ZBTB20: variants seen among roughly 807,000 people sequenced by gnomAD.
ZBTB20 encodes the protein zinc finger and BTB domain containing 20.
In ZBTB20, 9 loss-of-function variants were observed where a neutral mutation model predicts 56.9. That is an observed-to-expected ratio of 0.16 (90% CI 0.10 to 0.28). The LOEUF (loss-of-function observed/expected upper bound fraction) is 0.28. ZBTB20 is among the 10% of genes least tolerant of loss of function. The pLI is 1.00. For synonymous variants in ZBTB20, 417 were observed against 420.7 expected, an observed-to-expected ratio of 0.99 and a Z score of 0.11; for missense variants, 655 against 1,003.0, an observed-to-expected ratio of 0.65 and a Z score of 4.69.
At chr3:114,893,599 T>C (rs1285458123) in intron 4 of ZBTB20, among the ~76,000 whole-genome samples, 3 of 152,124 alleles carry the variant, frequency 2.0e-5, no homozygotes, top group African/African-American at 7.2e-5. Context: ...CTGGCTTTCA[T>C]GTAAGCAGAA....
intron 7 of ZBTB20, among the ~76,000 whole-genome samples, chr3:114,500,090 T>C (rs1341190397): frequency 6.6e-6 from 1 of 152,200 alleles, no homozygotes; most frequent in Non-Finnish European, 1.5e-5. Context: ...GCAGTGACTT[T>C]TGCAAACAGC....
intron 6 of ZBTB20, among the ~76,000 whole-genome samples, chr3:114,603,287 A>T (rs1462654759): frequency 6.6e-6 from 1 of 152,000 alleles, no homozygotes; most frequent in Non-Finnish European, 1.5e-5. Flanking sequence ...GAAAGAGATG[A>T]GATTTAGTGT....
intron 6 of ZBTB20, among the ~76,000 whole-genome samples, chr3:114,623,068 T>C (rs996687067): frequency 9.9e-5 from 15 of 152,170 alleles, no homozygotes; most frequent in Non-Finnish European, 2.1e-4. Context: ...GTTTTTTCCA[T>C]GCTTAATGAA....
chr3:114,697,333 A>T (rs1257220890), intron 5 of ZBTB20, among the ~76,000 whole-genome samples: 2 of 152,058 alleles, frequency 1.3e-5, no homozygotes, highest in African/African-American at 4.8e-5. Context: ...AAAACATCTC[A>T]AAATAAGTTG....
intron 4 of ZBTB20, among the ~76,000 whole-genome samples, chr3:114,820,199 G>C (rs2073159882): frequency 6.6e-6 from 1 of 151,836 alleles, no homozygotes; most frequent in Admixed American, 6.6e-5. Context: ...AGAAATAATA[G>C]TGGAAAATGA....
At chr3:114,378,699 C>T (rs552012049) in intron 10 of ZBTB20, among the ~76,000 whole-genome samples, 2 of 152,346 alleles carry the variant, frequency 1.3e-5, no homozygotes, top group South Asian at 4.1e-4. Flanking sequence ...AGGCCCTTCA[C>T]CACAGGAACG....
At chr3:114,911,632 T>C (rs989247926) in intron 3 of ZBTB20, among the ~76,000 whole-genome samples, 2 of 151,046 alleles carry the variant, frequency 1.3e-5, no homozygotes, top group African/African-American at 4.9e-5. Context: ...AGTGAAAAAT[T>C]CAATACAGGG....
intron 6 of ZBTB20, among the ~76,000 whole-genome samples, chr3:114,640,432 A>G (rs2059499257): frequency 6.6e-6 from 1 of 152,082 alleles, no homozygotes; most frequent in Non-Finnish European, 1.5e-5. Context: ...ATTCAAGGGA[A>G]CTGTGGAATG....
chr3:115,083,992 T>C (rs2082892104), intron 1 of ZBTB20, among the ~76,000 whole-genome samples: 1 of 152,032 alleles, frequency 6.6e-6, no homozygotes. Context: ...TTAGTGGATA[T>C]TGTCTGTGAA....
chr3:114,958,486 T>A (rs2077325735), intron 3 of ZBTB20, among the ~76,000 whole-genome samples: 1 of 152,168 alleles, frequency 6.6e-6, no homozygotes, highest in African/African-American at 2.4e-5. Context: ...ATTTTCTTAT[T>A]CAGAGCAGAA....
chr3:114,605,944 T>C (rs1049772576), intron 6 of ZBTB20, among the ~76,000 whole-genome samples: 3 of 152,112 alleles, frequency 2.0e-5, no homozygotes, highest in Admixed American at 6.6e-5. Flanking sequence ...TTCAGGCCCA[T>C]CCAGATTGTG....
chr3:114,563,894 T>C (rs1429576166), intron 6 of ZBTB20, among the ~76,000 whole-genome samples: 5 of 152,240 alleles, frequency 3.3e-5, no homozygotes, highest in Non-Finnish European at 7.3e-5. Context: ...AGCAGGTTCA[T>C]GGGAACTGTA....
chr3:114,951,287 C>T (rs528626031), intron 3 of ZBTB20, among the ~76,000 whole-genome samples: 1 of 151,802 alleles, frequency 6.6e-6, no homozygotes, highest in South Asian at 2.1e-4. Flanking sequence ...TAAATATGGG[C>T]ATAGTCACAG....
At chr3:115,047,499 T>C (rs2081375363) in intron 2 of ZBTB20, among the ~76,000 whole-genome samples, 1 of 152,240 alleles carries the variant, frequency 6.6e-6, no homozygotes, top group South Asian at 2.1e-4. Flanking sequence ...AACTATTCAC[T>C]ATTTATACTT....
intron 6 of ZBTB20, among the ~76,000 whole-genome samples, chr3:114,552,216 C>T (rs1468805451): frequency 6.6e-6 from 1 of 152,020 alleles, no homozygotes; most frequent in Non-Finnish European, 1.5e-5. Context: ...TGTCTCTAAA[C>T]AAAACAAAAC....
At chr3:114,439,782 A>T (rs184827902) in intron 7 of ZBTB20, among the ~76,000 whole-genome samples, 1 of 152,206 alleles carries the variant, frequency 6.6e-6, no homozygotes, top group Non-Finnish European at 1.5e-5. Context: ...CCCATTAAAG[A>T]AAAATATCTA....
chr3:114,375,245 T>C (rs1052673318), intron 10 of ZBTB20, among the ~76,000 whole-genome samples: 2 of 152,226 alleles, frequency 1.3e-5, no homozygotes, highest in African/African-American at 2.4e-5. Context: ...GTTTCAAATA[T>C]ATACTCAAGC....
At chr3:114,551,051 A>G (rs781527967) in intron 6 of ZBTB20, among the ~76,000 whole-genome samples, 5 of 152,182 alleles carry the variant, frequency 3.3e-5, no homozygotes, top group Admixed American at 2.0e-4. Context: ...ACAACTGGCC[A>G]AAATAAATTT....
Position 114,531,077 on chromosome 3 carries a change from C to T in ZBTB20, c.-294-30686G>A, listed in dbSNP as rs533582318. Among the ~76,000 whole-genome samples, 78 of 152,262 alleles carry T rather than the reference C, an allele frequency of 5.1e-4. 1 individual carries two copies. Among genetic ancestry groups the T allele is most frequent in the Admixed American group, 2.6e-3 (39 of 15,294 alleles). On this transcript the variant is annotated intron_variant, in intron 6 of 11. Transcript: ENST00000675478. ...TTGATCTTTAGCCCAGACCTTTCTT[C>T]GGAGCTTCAAAACCTGTATTGCCTA...
Sources: allele counts gnomAD v4.1 joint callset (sites outside exome capture counted in the v4.1 genomes callset), GRCh38; gene constraint gnomAD v4.1.1; transcripts MANE v1.5; gene names NCBI Gene and HGNC (gene_info 2026-07-23, HGNC 2026-07-21).